Variants in GRIK2 observed in about 807,000 individuals in gnomAD.
GRIK2 encodes glutamate ionotropic receptor kainate type subunit 2.
A neutral mutation model predicts 100.3 loss-of-function variants in GRIK2; 32 were observed. The ratio of observed to expected loss-of-function variants is 0.32; its 90% CI spans 0.24 to 0.43. The LOEUF (loss-of-function observed/expected upper bound fraction) is 0.43, where lower values mean the gene tolerates loss of function less well. GRIK2 is among the 20% of genes least tolerant of loss of function. The pLI is 1.00. For missense variants in GRIK2, 843 were observed against 1,114.9 expected, an observed-to-expected ratio of 0.76 and a Z score of 3.47; for synonymous variants, 417 against 389.4, an observed-to-expected ratio of 1.07 and a Z score of -0.83.
intron 14 of GRIK2, among the ~76,000 whole-genome samples, chr6:101,943,963 A>C (rs182672234): frequency 6.6e-6 from 1 of 152,182 alleles, no homozygotes; most frequent in African/African-American, 2.4e-5. Flanking sequence ...CCCTACCCAA[A>C]TCTCATGTAG....
chr6:101,866,920 ATG>A (rs900642620), intron 11 of GRIK2, among the ~76,000 whole-genome samples: 64 of 147,582 alleles, frequency 4.3e-4, no homozygotes, highest in African/African-American at 1.5e-3. Flanking sequence ...GTGTGTGTGA[ATG>A]TGTGTGTGTG....
rs528851820 is a variant in GRIK2 at position 101,491,977 on chromosome 6, T to C, written c.115+92585T>C. Among the ~76,000 whole-genome samples the C allele has an allele frequency of 4.4e-4, 67 of 152,020 alleles. 1 individual carries two copies. Among genetic ancestry groups the C allele is most frequent in the African/African-American group, 1.6e-3 (66 of 41,520 alleles). On this transcript the variant is annotated intron_variant, in intron 2 of 16. Coordinates refer to ENST00000369134, the MANE Select transcript of GRIK2 (RefSeq NM_021956.5). The stretch of plus-strand genomic sequence containing the variant: ...AAACTTTTTGTGCAAAAATTGTTTC[T>C]GTTATATACTTCATATTGCATCTCA...
chr6:101,691,138 A>G (rs1358057156), intron 7 of GRIK2, among the ~76,000 whole-genome samples: 1 of 151,544 alleles, frequency 6.6e-6, no homozygotes, highest in Non-Finnish European at 1.5e-5. Flanking sequence ...ATTTATTTTA[A>G]TCATATTACA....
At chr6:101,567,923 T>G (rs1321075860) in intron 2 of GRIK2, among the ~76,000 whole-genome samples, 1 of 151,986 alleles carries the variant, frequency 6.6e-6, no homozygotes, top group Non-Finnish European at 1.5e-5. Flanking sequence ...TTTTACCTTT[T>G]AAAATAATAT....
chr6:101,466,072 T>C (rs910746616), intron 2 of GRIK2, among the ~76,000 whole-genome samples: 5 of 152,204 alleles, frequency 3.3e-5, no homozygotes, highest in Admixed American at 1.3e-4. Flanking sequence ...TAGGCTGATA[T>C]GGTTCACACT....
At chr6:102,060,230 C>T (rs1582805682) in intron 16 of GRIK2, among the ~76,000 whole-genome samples, 1 of 150,586 alleles carries the variant, frequency 6.6e-6, no homozygotes, top group East Asian at 1.9e-4. Flanking sequence ...ATATTTTTTT[C>T]TGGTGCACTG....
At chr6:101,927,408 C>T (rs566055735) in intron 13 of GRIK2, 2 of 197,738 alleles carry the variant, frequency 1.0e-5, no homozygotes, top group Admixed American at 1.3e-4. Flanking sequence ...TCTATGCTTT[C>T]TTGATAGATT....
chr6:101,582,536 G>T (rs1376058521), intron 2 of GRIK2, among the ~76,000 whole-genome samples: 1 of 152,140 alleles, frequency 6.6e-6, no homozygotes, highest in African/African-American at 2.4e-5. Context: ...AGAACTGTGA[G>T]TCAGTTAGAT....
At chr6:101,484,085 AC>A (rs1772685535) in intron 2 of GRIK2, among the ~76,000 whole-genome samples, 1 of 152,226 alleles carries the variant, frequency 6.6e-6, no homozygotes, top group Non-Finnish European at 1.5e-5. Flanking sequence ...TTTGTAGTCA[AC>A]CTTGTCTTCA....
chr6:102,046,997 A>AAAAT (rs1403679996), intron 15 of GRIK2, among the ~76,000 whole-genome samples: 1 of 152,174 alleles, frequency 6.6e-6, no homozygotes, highest in Non-Finnish European at 1.5e-5. Flanking sequence ...GGAGTGTTAA[A>AAAAT]AAATATATTG....
chr6:101,911,849 G>A (rs1788715184), intron 12 of GRIK2, among the ~76,000 whole-genome samples: 1 of 151,408 alleles, frequency 6.6e-6, no homozygotes, highest in Non-Finnish European at 1.5e-5. Flanking sequence ...ATTTAAGTAT[G>A]TAAGTTGAAA....
intron 7 of GRIK2, among the ~76,000 whole-genome samples, chr6:101,760,710 ATT>A (rs1777580674): frequency 2.2e-5 from 2 of 92,812 alleles, no homozygotes; most frequent in East Asian, 5.5e-4. Flanking sequence ...ATAATTATAT[ATT>A]TAATTATATT....
intron 10 of GRIK2, among the ~76,000 whole-genome samples, chr6:101,833,640 A>G (rs762772508): frequency 6.6e-6 from 1 of 152,172 alleles, no homozygotes; most frequent in East Asian, 1.9e-4. Flanking sequence ...ATAACTTGAT[A>G]ATCTACAGAG....
At chr6:101,611,609 C>G (rs1779678579) in intron 2 of GRIK2, among the ~76,000 whole-genome samples, 1 of 151,714 alleles carries the variant, frequency 6.6e-6, no homozygotes, top group Non-Finnish European at 1.5e-5. Flanking sequence ...AATACTGGAG[C>G]CAGTCTTTTT....
chr6:101,975,805 A>ATCTG lies in GRIK2; in HGVS notation c.2085+47177_2085+47180dup, dbSNP rs779891181. ...TGTCTGTCTGTCTGTCTATCTATCT[A>ATCTG]TCTGTCTATCTATCTATCTATCTAT... On this transcript the variant is annotated intron_variant, in intron 14 of 16. Transcript: ENST00000369134. Among the ~76,000 whole-genome samples, 1,317 of 132,022 alleles carry ATCTG rather than the reference A, an allele frequency of 1.0e-2. 9 individuals carry two copies. The highest frequency in any genetic ancestry group is 0.051 in the Middle Eastern group (13 of 256). 86.6% of individuals were successfully genotyped at this position (132,022 alleles called of 152,430 possible).
At chr6:101,647,218 G>A (rs1314539573) in intron 4 of GRIK2, among the ~76,000 whole-genome samples, 1 of 151,856 alleles carries the variant, frequency 6.6e-6, no homozygotes, top group African/African-American at 2.4e-5. Context: ...AAAAAACAAA[G>A]AGGTAAAACA....
At chr6:101,775,539 A>G (rs1302503130) in intron 7 of GRIK2, among the ~76,000 whole-genome samples, 1 of 38 alleles carries the variant, frequency 0.026, no homozygotes, top group Non-Finnish European at 0.062. Context: ...ATATGTATAT[A>G]TATGTGTGTG....
At chr6:101,395,098 G>A (rs1343042775) in intron 1 of GRIK2, among the ~76,000 whole-genome samples, 2 of 152,224 alleles carry the variant, frequency 1.3e-5, no homozygotes, top group African/African-American at 2.4e-5. Flanking sequence ...AATGTGTTCA[G>A]AATCATAAGG....
chr6:101,519,315 G>C, intron 2 of GRIK2, among the ~76,000 whole-genome samples: 1 of 128,650 alleles, frequency 7.8e-6, no homozygotes, highest in South Asian at 2.4e-4. Context: ...GTGTGTGTGT[G>C]TGTGTGTGTG....
Sources: allele counts gnomAD v4.1 joint callset (sites outside exome capture counted in the v4.1 genomes callset), GRCh38; gene constraint gnomAD v4.1.1; transcripts MANE v1.5; gene names NCBI Gene and HGNC (gene_info 2026-07-23, HGNC 2026-07-21).